The following DDX4 variants were observed in gnomAD, a reference collection of about 807,000 sequenced individuals.
DDX4 encodes the protein DEAD-box helicase 4, also known as probable ATP-dependent RNA helicase DDX4.
DDX4 carries 25 observed loss-of-function variants against 100.0 expected under a neutral mutation model. The ratio of observed to expected loss-of-function variants is 0.25; its 90% CI spans 0.18 to 0.35. The LOEUF (loss-of-function observed/expected upper bound fraction) is 0.35, where lower values mean the gene tolerates loss of function less well. Among genes scored for constraint, DDX4 ranks in the 10% least tolerant of loss-of-function variants. DDX4 has a pLI of 1.00. For missense variants in DDX4, 635 were observed against 882.4 expected (o/e 0.72, Z 3.55); for synonymous variants, 259 against 275.7 (o/e 0.94, Z 0.60).
chr5:55,785,215 C>A, intron 10 of DDX4, 82 bp from the exon 11 acceptor site: 1 of 904,392 alleles, frequency 1.1e-6, no homozygotes, highest in South Asian at 1.5e-5. Context: ...GGAACTTGTT[C>A]TCTTTGAAGA....
intron 17 of DDX4, among the ~76,000 whole-genome samples, chr5:55,793,023 A>AGTGTGTGTGTGT (rs10551567): frequency 1.5e-4 from 21 of 144,652 alleles, no homozygotes; most frequent in South Asian, 6.7e-4. Flanking sequence ...TTATTTAAAA[A>AGTGTGTGTGTGT]GTGTGTGTGT....
intron 13 of DDX4, among the ~76,000 whole-genome samples, chr5:55,786,193 G>A (rs971707370): frequency 8.5e-5 from 13 of 152,140 alleles, no homozygotes; most frequent in African/African-American, 1.7e-4. Context: ...TTTTCTGAGA[G>A]GGGGAGCCCT....
intron 17 of DDX4, 92 bp from the exon 18 acceptor site, chr5:55,798,334 A>T: frequency 7.7e-7 from 1 of 1,305,952 alleles, no homozygotes; most frequent in Non-Finnish European, 1.0e-6. Flanking sequence ...CTGTCTGATT[A>T]ATATTGAGAT....
chr5:55,784,202 C>T lies in DDX4; in HGVS notation c.626-1095C>T, dbSNP rs532477422. On this transcript the variant is annotated intron_variant, in intron 10 of 21. Transcript: ENST00000505374. ...TGAGAACCTCTTGGTGGGGCGGAGT[C>T]AGGGGGCGGGGGATTGCTGGTACAA... Among the ~76,000 whole-genome samples the T allele has an allele frequency of 2.0e-5, 3 of 152,198 alleles. No individual in the cohort carries two copies. The East Asian group carries it at 5.8e-4, about 29-fold the overall frequency.
chr5:55,770,219 C>G (rs962275841), intron 7 of DDX4, among the ~76,000 whole-genome samples: 3 of 152,032 alleles, frequency 2.0e-5, no homozygotes, highest in East Asian at 3.9e-4. Flanking sequence ...TTTTTTCCCC[C>G]CTATGATCTC....
At chr5:55,756,950 GA>G (rs1161846519) in intron 3 of DDX4, among the ~76,000 whole-genome samples, 1 of 152,042 alleles carries the variant, frequency 6.6e-6, no homozygotes, top group Non-Finnish European at 1.5e-5. Context: ...TCATGAAAGT[GA>G]ATGTAAACTT....
intron 17 of DDX4, among the ~76,000 whole-genome samples, chr5:55,794,272 C>G (rs1742774670): frequency 6.6e-6 from 1 of 151,142 alleles, no homozygotes; most frequent in Non-Finnish European, 1.5e-5. Flanking sequence ...ACTGCAACCT[C>G]AATCTCCCGG....
intron 18 of DDX4, among the ~76,000 whole-genome samples, chr5:55,805,290 C>G (rs1393867613): frequency 1.3e-5 from 2 of 152,108 alleles, no homozygotes; most frequent in Non-Finnish European, 2.9e-5. Flanking sequence ...TTGACTTCCT[C>G]TTTTCCTAAT....
chr5:55,770,278 G>T (rs936789411), intron 7 of DDX4, among the ~76,000 whole-genome samples: 2 of 152,142 alleles, frequency 1.3e-5, no homozygotes, highest in Non-Finnish European at 2.9e-5. Flanking sequence ...ATCTTGGTCA[G>T]TTGCAATTTA....
At chr5:55,787,775 T>C (rs1265931884) in intron 14 of DDX4, 71 bp from the exon 15 acceptor site, 6 of 1,520,910 alleles carry the variant, frequency 3.9e-6, no homozygotes, top group Non-Finnish European at 4.4e-6. Context: ...TATAAGGACA[T>C]GAGGATTAGC....
Position 55,781,133 on chromosome 5 carries a change from A to G in DDX4, c.564A>G (p.Val188=). ...GCCTTTTTGGTTCTAGAAGACCAGT[A>G]TTAAGTGGCACAGGTGAGAAATAGA... ...TGGLFGSRRP[V]LSGTGNGDTS... Residue 188 remains valine (V), a synonymous_variant, in exon 9 of 22, where the codon GTA becomes GTG. Transcript: ENST00000505374. The G allele has an allele frequency of 1.2e-6, 2 of 1,612,118 alleles. No homozygotes were observed. Among genetic ancestry groups the G allele is most frequent in the East Asian group, 2.2e-5 (1 of 44,810 alleles).
At chr5:55,813,916 T>G in intron 19 of DDX4, 144 bp downstream of exon 19, 1 of 1,041,942 alleles carries the variant, frequency 9.6e-7, no homozygotes, top group Non-Finnish European at 1.3e-6. Flanking sequence ...CTCCTTTATA[T>G]GAGGAAAAGG....
chr5:55,769,262 T>C (rs1485555007), intron 7 of DDX4, among the ~76,000 whole-genome samples: 2 of 152,144 alleles, frequency 1.3e-5, no homozygotes, highest in East Asian at 3.8e-4. Context: ...TTACATGTTA[T>C]TCTTTAATCC....
chr5:55,802,650 T>G (rs1743395920), intron 18 of DDX4, among the ~76,000 whole-genome samples: 1 of 152,228 alleles, frequency 6.6e-6, no homozygotes, highest in Non-Finnish European at 1.5e-5. Flanking sequence ...GTATTAATAG[T>G]TCTTCACAAG....
At chr5:55,756,692 TG>T (rs1182947677) in intron 3 of DDX4, among the ~76,000 whole-genome samples, 1 of 152,172 alleles carries the variant, frequency 6.6e-6, no homozygotes, top group African/African-American at 2.4e-5. Flanking sequence ...TTGGTCCAAG[TG>T]TAACTATATT....
intron 3 of DDX4, among the ~76,000 whole-genome samples, chr5:55,756,752 T>C (rs556898815): frequency 1.3e-5 from 2 of 152,300 alleles, no homozygotes; most frequent in African/African-American, 4.8e-5. Flanking sequence ...ACACTAACAC[T>C]AAATTCATTT....
rs1357323988 is a variant in DDX4 at position 55,786,430 on chromosome 5, C to G, written c.865-88C>G. ...AGTATATAAAGTAGAATTAACAGAA[C>G]TTGGAAAGTAGCTCGAATGAAATAT... is the stretch of plus-strand genomic sequence containing the variant. On this transcript the variant is annotated intron_variant, in intron 13 of 21. Transcript: ENST00000505374. 3 of 1,055,176 alleles carry G rather than the reference C, an allele frequency of 2.8e-6. No homozygotes were observed. In the South Asian group the frequency reaches 5.4e-5, roughly 19 times the overall value. 65.4% of individuals were successfully genotyped at this position (1,055,176 alleles called of 1,614,324 possible).
chr5:55,790,393 G>T (rs1013825054), intron 15 of DDX4, among the ~76,000 whole-genome samples, 183 bp from the exon 16 acceptor site: 1 of 152,068 alleles, frequency 6.6e-6, no homozygotes, highest in Non-Finnish European at 1.5e-5. Flanking sequence ...TGATTTGCCC[G>T]CCCTGGCCTC....
chr5:55,806,349 T>C (rs1441575325), intron 18 of DDX4, among the ~76,000 whole-genome samples: 2 of 152,238 alleles, frequency 1.3e-5, no homozygotes, highest in Non-Finnish European at 2.9e-5. Context: ...ATCTTAGTTA[T>C]TTCTTGCCAT....
Sources: gnomAD v4.1 joint callset for allele counts (sites outside exome capture counted in the v4.1 genomes callset) on GRCh38, gnomAD v4.1.1 for gene constraint, MANE v1.5 for transcripts, NCBI Gene and HGNC (gene_info 2026-07-23, HGNC 2026-07-21) for gene names.